The following SLC24A2 variants were observed in gnomAD, a reference collection of about 807,000 sequenced individuals.
SLC24A2 encodes solute carrier family 24 member 2, also known as sodium/potassium/calcium exchanger 2.
Under a neutral mutation model 62.0 loss-of-function variants are expected in SLC24A2, and 36 were observed. That is an observed-to-expected ratio of 0.58 (90% CI 0.44 to 0.77). The LOEUF is 0.77. Ranked by LOEUF, SLC24A2 falls within the 30% of genes least tolerant of loss-of-function variation. The pLI is 0.00. For synonymous variants in SLC24A2, 358 were observed against 294.0 expected, an observed-to-expected ratio of 1.22 and a Z score of -2.23; for missense variants, 846 against 817.9, an observed-to-expected ratio of 1.03 and a Z score of -0.42.
chr9:19,901,756 A>T, the SLC24A2 span, among the ~76,000 whole-genome samples: 1 of 152,118 alleles, frequency 6.6e-6, no homozygotes, highest in Non-Finnish European at 1.5e-5. Context: ...ACTGGCCAGA[A>T]CTAGTCTGTG....
intron 10 of SLC24A2, among the ~76,000 whole-genome samples, chr9:19,518,242 A>T (rs1297283084): frequency 6.6e-6 from 1 of 152,194 alleles, no homozygotes; most frequent in East Asian, 1.9e-4. Context: ...TTAAAAAATC[A>T]CAAGCTTAGA....
At chr9:19,827,935 C>A in the SLC24A2 span, among the ~76,000 whole-genome samples, 3 of 152,156 alleles carry the variant, frequency 2.0e-5, no homozygotes, top group Non-Finnish European at 2.9e-5. Context: ...AATTGAGATT[C>A]ATCTGAGTAA....
At chr9:20,044,374 C>T in the SLC24A2 span, among the ~76,000 whole-genome samples, 1 of 152,144 alleles carries the variant, frequency 6.6e-6, no homozygotes, top group African/African-American at 2.4e-5. Context: ...CAGAACCTAC[C>T]ATTTCTGCTC....
chr9:20,256,091 A>G, the SLC24A2 span, among the ~76,000 whole-genome samples: 1 of 152,172 alleles, frequency 6.6e-6, no homozygotes, highest in Admixed American at 6.5e-5. Flanking sequence ...CTTTCATATC[A>G]AACCCATTCC....
At chr9:20,051,434 C>T in the SLC24A2 span, among the ~76,000 whole-genome samples, 1 of 151,820 alleles carries the variant, frequency 6.6e-6, no homozygotes, top group African/African-American at 2.4e-5. Context: ...TTTGATAGAA[C>T]AGACAAAAAT....
chr9:19,516,246 G>A lies in SLC24A2; in HGVS notation c.1893C>T (p.Ile631=), dbSNP rs200816437. Residue 631 remains isoleucine (I), a synonymous_variant, in exon 11 of 11, where the codon ATC becomes ATT. Coordinates refer to ENST00000341998, the MANE Select transcript of SLC24A2 (RefSeq NM_020344.4). ...IALCKWRMNK[I]LGFIMFGLYF... ...AGAGGCCAAACATGATGAAGCCCAG[G>A]ATTTTGTTCATTCGCCACTTGCAGA... The A allele has an allele frequency of 1.6e-4, 255 of 1,614,084 alleles. No individual in the cohort carries two copies. Among genetic ancestry groups the A allele is most frequent in the African/African-American group, 4.0e-5 (3 of 74,936 alleles).
At chr9:19,683,299 T>C (rs530598678) in intron 2 of SLC24A2, among the ~76,000 whole-genome samples, 1 of 152,282 alleles carries the variant, frequency 6.6e-6, no homozygotes, top group Non-Finnish European at 1.5e-5. Context: ...GAAACACAGG[T>C]CTTTGCTCCT....
At chr9:19,908,362 G>A in the SLC24A2 span, among the ~76,000 whole-genome samples, 1 of 152,026 alleles carries the variant, frequency 6.6e-6, no homozygotes, top group African/African-American at 2.4e-5. Flanking sequence ...TTAAATGTTA[G>A]ACCTAAAACC....
chr9:20,112,587 T>A, the SLC24A2 span, among the ~76,000 whole-genome samples: 63 of 152,214 alleles, frequency 4.1e-4, no homozygotes, highest in African/African-American at 1.4e-3. Flanking sequence ...AATGAGGCAT[T>A]CCATTCTGAG....
chr9:19,958,853 G>C, the SLC24A2 span, among the ~76,000 whole-genome samples: 6 of 152,146 alleles, frequency 3.9e-5, no homozygotes, highest in Non-Finnish European at 7.4e-5. Flanking sequence ...TAAACGCAAG[G>C]TAAAATATCA....
the SLC24A2 span, among the ~76,000 whole-genome samples, chr9:19,850,451 TTTA>T: frequency 1.3e-5 from 2 of 152,088 alleles, no homozygotes; most frequent in African/African-American, 4.8e-5. Context: ...ATGCATACCT[TTTA>T]TTTATAGCTT....
chr9:19,665,939 G>A (rs1819240080), intron 2 of SLC24A2, among the ~76,000 whole-genome samples: 1 of 152,076 alleles, frequency 6.6e-6, no homozygotes, highest in Admixed American at 6.6e-5. Context: ...GATTACAGGG[G>A]TATGCCACTG....
At chr9:20,120,640 A>G in the SLC24A2 span, among the ~76,000 whole-genome samples, 1 of 152,134 alleles carries the variant, frequency 6.6e-6, no homozygotes, top group Non-Finnish European at 1.5e-5. Context: ...CTGTATATCA[A>G]ACCCCATGTA....
chr9:20,024,076 T>C, the SLC24A2 span, among the ~76,000 whole-genome samples: 1 of 152,198 alleles, frequency 6.6e-6, no homozygotes, highest in East Asian at 1.9e-4. Context: ...TAGAGCTGCT[T>C]TGCTTAGGCT....
the SLC24A2 span, among the ~76,000 whole-genome samples, chr9:19,898,450 G>C: frequency 6.6e-6 from 1 of 152,124 alleles, no homozygotes; most frequent in African/African-American, 2.4e-5. Flanking sequence ...AATCCAATGA[G>C]ATAAAGAATA....
At chr9:19,698,122 T>G (rs1564046857) in intron 2 of SLC24A2, among the ~76,000 whole-genome samples, 3 of 152,166 alleles carry the variant, frequency 2.0e-5, no homozygotes, top group Non-Finnish European at 4.4e-5. Flanking sequence ...TAATACAGGT[T>G]GAGCATCCCT....
intron 2 of SLC24A2, among the ~76,000 whole-genome samples, chr9:19,657,251 G>A (rs954837196): frequency 6.6e-5 from 10 of 152,096 alleles, no homozygotes; most frequent in African/African-American, 1.4e-4. Flanking sequence ...GCACTCCATC[G>A]TCCACCATTA....
intron 1 of SLC24A2, among the ~76,000 whole-genome samples, chr9:19,787,993 G>A (rs1210891896): frequency 6.6e-6 from 1 of 152,232 alleles, no homozygotes; most frequent in Non-Finnish European, 1.5e-5. Context: ...AGACTTGACA[G>A]CTGATATTCT....
chr9:20,305,541 A>G, the SLC24A2 span, among the ~76,000 whole-genome samples: 2 of 152,188 alleles, frequency 1.3e-5, no homozygotes, highest in South Asian at 4.2e-4. Context: ...TTTGTCTTAA[A>G]CTCTTCAAAA....
Sources: gnomAD v4.1 joint callset for allele counts (sites outside exome capture counted in the v4.1 genomes callset) on GRCh38, gnomAD v4.1.1 for gene constraint, MANE v1.5 for transcripts, NCBI Gene and HGNC (gene_info 2026-07-23, HGNC 2026-07-21) for gene names.